EPB41L1: variants seen among roughly 807,000 people sequenced by gnomAD.
EPB41L1 encodes erythrocyte membrane protein band 4.1 like 1.
A neutral mutation model predicts 97.8 loss-of-function variants in EPB41L1; 29 were observed. The ratio of observed to expected loss-of-function variants is 0.30; its 90% CI spans 0.22 to 0.40. The LOEUF (loss-of-function observed/expected upper bound fraction) is 0.40, where lower values mean the gene tolerates loss of function less well. Ranked by LOEUF, EPB41L1 falls within the 10% of genes least tolerant of loss-of-function variation. EPB41L1 has a pLI of 1.00. For synonymous variants in EPB41L1, 383 were observed against 459.2 expected, an observed-to-expected ratio of 0.83 and a Z score of 2.12; for missense variants, 812 against 1,162.3, an observed-to-expected ratio of 0.70 and a Z score of 4.38.
rs545828961 is a variant in EPB41L1 at position 36,219,861 on chromosome 20, C to T, written c.2439+17C>T. 35 of 1,610,454 alleles carry T rather than the reference C, an allele frequency of 2.2e-5. No homozygotes were observed. The highest frequency in any genetic ancestry group is 7.7e-5 in the South Asian group (7 of 91,020). On this transcript the variant is annotated intron_variant, in intron 19 of 21. Transcript: ENST00000338074. Reference sequence around the variant, plus strand: ...GTCACCAAAGTGAGTAGCAGCAGGGCGCCCCATGCCCCCAGCCGAGCTGCA... The same window carrying T: ...GTCACCAAAGTGAGTAGCAGCAGGGTGCCCCATGCCCCCAGCCGAGCTGCA...
intron 6 of EPB41L1, among the ~76,000 whole-genome samples, chr20:36,182,896 T>A (rs754526391): frequency 1.3e-4 from 20 of 152,164 alleles, no homozygotes; most frequent in Non-Finnish European, 2.5e-4. Flanking sequence ...TTGGTCTGCA[T>A]GCCACTCTGT....
rs892443420 is a variant in EPB41L1 at position 36,209,228 on chromosome 20, G to A, written c.1669-260G>A. ...CCTGTCCAGGAGTCACTGGCAGGAC[G>A]TTTGCTTTGTACTTGCTTTTGCCAT... On this transcript the variant is annotated intron_variant, in intron 14 of 21. Transcript: ENST00000338074. The surrounding 1 kb of genome is among the most constrained non-coding windows in gnomAD (Gnocchi z 4.2). Among the ~76,000 whole-genome samples, 8 of 152,170 alleles carry A rather than the reference G, an allele frequency of 5.3e-5. No homozygotes were observed. The highest frequency in any genetic ancestry group is 1.7e-4 in the African/African-American group (7 of 41,434).
At chr20:36,146,869 A>G (rs1013572819) in intron 2 of EPB41L1, among the ~76,000 whole-genome samples, 3 of 151,888 alleles carry the variant, frequency 2.0e-5, no homozygotes, top group Non-Finnish European at 2.9e-5. Context: ...AAAGGAGGTC[A>G]GGTGCAGTGG....
chr20:36,111,786 C>CA (rs397731410), intron 1 of EPB41L1, among the ~76,000 whole-genome samples: 40,456 of 89,844 alleles, frequency 0.45, 9,539 homozygotes, highest in African/African-American at 0.73. Flanking sequence ...GACTCTGTCT[C>CA]AAAAAAAAAA....
intron 15 of EPB41L1, among the ~76,000 whole-genome samples, chr20:36,211,665 C>A (rs933171881): frequency 3.3e-5 from 5 of 152,064 alleles, no homozygotes; most frequent in Admixed American, 3.3e-4. Flanking sequence ...AACAGCCTGG[C>A]CAACATGGTG....
chr20:36,157,784 C>G lies in EPB41L1; in HGVS notation c.-15+2888C>G, dbSNP rs2060370624. Among the ~76,000 whole-genome samples the G allele has an allele frequency of 2.0e-5, 3 of 152,192 alleles. No individual in the cohort carries two copies. In the South Asian group the frequency reaches 6.2e-4, roughly 31 times the overall value. On this transcript the variant is annotated intron_variant, in intron 1 of 21. Coordinates refer to ENST00000338074, the MANE Select transcript of EPB41L1 (RefSeq NM_012156.2). ...TGGGGAAACACCAGACTCCCTGCTC[C>G]CATTGGCTTTTAGGGAAGATGGGCT...
chr20:36,137,178 G>A (rs1377505610), intron 2 of EPB41L1, among the ~76,000 whole-genome samples: 2 of 150,936 alleles, frequency 1.3e-5, no homozygotes, highest in Non-Finnish European at 3.0e-5. Flanking sequence ...GGGCTCAAGG[G>A]ATATTCGCCC....
In EPB41L1 at chr20:36,198,054, C is replaced by T; in HGVS notation, c.1668+13C>T. 4 of 1,612,326 alleles carry T rather than the reference C, an allele frequency of 2.5e-6. No individual in the cohort carries two copies. In the South Asian group the frequency reaches 3.3e-5, roughly 13 times the overall value. On this transcript the variant is annotated intron_variant, in intron 14 of 21. Coordinates refer to ENST00000338074, the MANE Select transcript of EPB41L1 (RefSeq NM_012156.2). ...GAAAGCCAATGAGGTAGGTGTCGCC[C>T]TGAACCCCTCGATAGGGGCCTTGGG...
rs1472681460 is a variant in EPB41L1, at chr20:36,178,623, C to CT, written c.448-3dup. On this transcript the variant is annotated splice_polypyrimidine_tract_variant and splice_region_variant and intron_variant, in intron 4 of 21. Coordinates refer to ENST00000338074, the MANE Select transcript of EPB41L1 (RefSeq NM_012156.2). The stretch of plus-strand genomic sequence containing the variant: ...TTCCCTCTGAAGATCTCTATCTTTT[C>CT]TTTTAGAACTGGCTGGACCCCTCCA... 6.2e-7 allele frequency: 1 copy of CT among 1,614,100 alleles called. No homozygotes were observed. Among genetic ancestry groups the CT allele is most frequent in the Admixed American group, 1.7e-5 (1 of 60,022 alleles).
At chr20:36,180,712 T>C (rs1014360005) in intron 5 of EPB41L1, among the ~76,000 whole-genome samples, 3 of 152,194 alleles carry the variant, frequency 2.0e-5, no homozygotes, top group African/African-American at 7.2e-5. Context: ...GTTAAATGAG[T>C]ATTACATGTA....
At chr20:36,137,875 C>T (rs536937598) in intron 2 of EPB41L1, among the ~76,000 whole-genome samples, 1 of 152,272 alleles carries the variant, frequency 6.6e-6, no homozygotes, top group South Asian at 2.1e-4. Context: ...CAATAACTCC[C>T]ATTTCCTCCT....
chr20:36,137,818 C>T (rs949619187), intron 2 of EPB41L1, among the ~76,000 whole-genome samples: 2 of 152,176 alleles, frequency 1.3e-5, no homozygotes, highest in African/African-American at 2.4e-5. Context: ...GCCACCATGC[C>T]CAGCCAAATT....
chr20:36,193,448 A>C (rs1388003415), intron 11 of EPB41L1, among the ~76,000 whole-genome samples: 1 of 152,218 alleles, frequency 6.6e-6, no homozygotes, highest in Non-Finnish European at 1.5e-5. Flanking sequence ...CCCCAAGGAT[A>C]ATCTGAGCTC....
intron 14 of EPB41L1, among the ~76,000 whole-genome samples, chr20:36,204,931 G>A (rs1181628234): frequency 2.0e-5 from 3 of 152,186 alleles, no homozygotes; most frequent in African/African-American, 4.8e-5. Context: ...GTGAGCCACC[G>A]CGCTTGGCCT....
chr20:36,098,344 AC>A (rs2057901090), intron 1 of EPB41L1, among the ~76,000 whole-genome samples: 1 of 152,222 alleles, frequency 6.6e-6, no homozygotes, highest in Admixed American at 6.5e-5. Flanking sequence ...GTCATGAAGC[AC>A]GCAAACCAGG....
intron 19 of EPB41L1, among the ~76,000 whole-genome samples, chr20:36,220,890 A>G (rs2063741080): frequency 6.6e-6 from 1 of 152,304 alleles, no homozygotes; most frequent in Middle Eastern, 3.4e-3. Flanking sequence ...TTGATGAGCC[A>G]TCAGAGGAGA....
intron 1 of EPB41L1, among the ~76,000 whole-genome samples, chr20:36,105,526 A>G (rs1283215505): frequency 6.6e-6 from 1 of 152,096 alleles, no homozygotes; most frequent in African/African-American, 2.4e-5. Flanking sequence ...TTGATGAAAA[A>G]TATTTATTGA....
rs2064391958 is a variant in EPB41L1, at chr20:36,229,515, T to G, written c.*175T>G. The G allele has an allele frequency of 3.2e-6, 2 of 617,014 alleles. No individual in the cohort carries two copies. The highest frequency in any genetic ancestry group is 2.9e-6 in the Non-Finnish European group (1 of 341,878). 38.2% of individuals were successfully genotyped at this position (617,014 alleles called of 1,614,324 possible). On this transcript the variant is annotated 3_prime_UTR_variant, in exon 22 of 22. Transcript: ENST00000338074. ...ATATATAGATATATAGAGATATAGA[T>G]ATATATACAGGAAACACCGCATCCT... is the stretch of plus-strand genomic sequence containing the variant.
rs1438656927 is a variant in EPB41L1 at position 36,194,074 on chromosome 20, C to T, written c.1301-138C>T. 5.1e-6 allele frequency: 6 copies of T among 1,165,354 alleles called. No individual in the cohort carries two copies. In the African/African-American group the frequency reaches 6.1e-5, roughly 12 times the overall value. 72.2% of individuals were successfully genotyped at this position (1,165,354 alleles called of 1,614,324 possible). The stretch of plus-strand genomic sequence containing the variant: ...TGGCCATGTGATCAGAAGTCTACTT[C>T]ACCCCTCTGGGCAATGGGTGAGGGG... On this transcript the variant is annotated intron_variant, in intron 11 of 21. Coordinates refer to ENST00000338074, the MANE Select transcript of EPB41L1 (RefSeq NM_012156.2).
Sources: allele counts gnomAD v4.1 joint callset (sites outside exome capture counted in the v4.1 genomes callset), GRCh38; gene constraint gnomAD v4.1.1; non-coding constraint Gnocchi (gnomAD v3.1); transcripts MANE v1.5; gene names NCBI Gene and HGNC (gene_info 2026-07-23, HGNC 2026-07-21).